IFT122: variants seen among roughly 807,000 people sequenced by gnomAD.
The protein encoded by IFT122 is intraflagellar transport 122.
IFT122 carries 118 observed loss-of-function variants against 161.6 expected under a neutral mutation model. The ratio of observed to expected loss-of-function variants is 0.73; its 90% confidence interval spans 0.63 to 0.85. The LOEUF is 0.85. IFT122 is among the 40% of genes least tolerant of loss of function. The probability of loss-of-function intolerance (pLI) is 0.00; values close to 1 mark genes in which losing one functional copy is unlikely to be tolerated. For missense variants in IFT122, 1,381 were observed against 1,579.6 expected, an observed-to-expected ratio of 0.87 and a Z score of 2.13; for synonymous variants, 550 against 602.4, an observed-to-expected ratio of 0.91 and a Z score of 1.27.
At chr3:129,505,392 C>G (rs1000989570) in intron 21 of IFT122, among the ~76,000 whole-genome samples, 20 of 152,316 alleles carry the variant, frequency 1.3e-4, no homozygotes, top group African/African-American at 4.6e-4. Flanking sequence ...CTGTTGGAGC[C>G]CCTCAACCGA....
intron 1 of IFT122, among the ~76,000 whole-genome samples, chr3:129,441,576 A>G (rs1577104237): frequency 6.6e-6 from 1 of 152,088 alleles, no homozygotes; most frequent in Non-Finnish European, 1.5e-5. Context: ...GGTCTTCCTC[A>G]CTCCAACGTC....
At position 129,502,951 on chromosome 3, in the gene IFT122, G is replaced by A. The variant is rs934712583; in HGVS notation, c.2547+69G>A. 14 of 1,457,624 alleles carry A rather than the reference G, an allele frequency of 9.6e-6. No homozygotes were observed. In the African/African-American group the frequency reaches 2.0e-4, roughly 20 times the overall value. The allele number at this position is 1,457,624 out of a possible 1,614,324, so 90.3% of individuals were successfully genotyped here. ...CCTGGGACACAGGCGGGTGGGTACA[G>A]GGGCCCTTTGGGGTTCAGATGGAGA... On this transcript the variant is annotated intron_variant, in intron 20 of 29. Coordinates refer to ENST00000348417, the MANE Select transcript of IFT122 (RefSeq NM_052989.3).
In IFT122 at chr3:129,512,383, C is replaced by CA; in HGVS notation, c.2960dup (p.Asp988GlyfsTer8). The CA allele has an allele frequency of 6.2e-7, 1 of 1,613,432 alleles. No individual in the cohort carries two copies. The highest frequency in any genetic ancestry group is 8.5e-7 in the Non-Finnish European group (1 of 1,179,334). On this transcript the variant is annotated frameshift_variant, in exon 24 of 30. Coordinates refer to ENST00000348417, the MANE Select transcript of IFT122 (RefSeq NM_052989.3). LOFTEE classifies it high-confidence loss of function. ...CCAGGTTCCTGCTGCACAGCCTGCC[C>CA]AAGGACACCCCCTCGGGCATCTCTA...
Position 129,469,327 on chromosome 3 carries a change from T to C in IFT122, c.741-15T>C. The stretch of plus-strand genomic sequence containing the variant: ...CTGTGGCCCTTCATAACCTCTTTTA[T>C]CTTCTGTTGATTAGAGAGGAACGTA... On this transcript the variant is annotated splice_polypyrimidine_tract_variant and intron_variant, in intron 8 of 29. Transcript: ENST00000348417. 6.2e-7 allele frequency: 1 copy of C among 1,611,306 alleles called. No homozygotes were observed. Among genetic ancestry groups the C allele is most frequent in the Non-Finnish European group, 8.5e-7 (1 of 1,177,434 alleles).
At chr3:129,464,813 A>T in intron 7 of IFT122, 32 bp downstream of exon 7, 1 of 1,613,040 alleles carries the variant, frequency 6.2e-7, no homozygotes, top group Non-Finnish European at 8.5e-7. Flanking sequence ...TTCTAGAACA[A>T]ACACCATCAT....
At chr3:129,464,273 C>A (rs2076480444) in intron 6 of IFT122, among the ~76,000 whole-genome samples, 1 of 152,144 alleles carries the variant, frequency 6.6e-6, no homozygotes, top group South Asian at 2.1e-4. Flanking sequence ...TGGAAGACAC[C>A]AAGTCTGTTC....
intron 26 of IFT122, among the ~76,000 whole-genome samples, chr3:129,516,601 CACAG>C (rs1176221316): frequency 2.1e-5 from 3 of 145,526 alleles, no homozygotes; most frequent in Admixed American, 6.8e-5. Flanking sequence ...CCTGCACACA[CACAG>C]AGACTGCCCC....
intron 9 of IFT122, among the ~76,000 whole-genome samples, chr3:129,474,237 G>A (rs1026367444): frequency 6.6e-6 from 1 of 152,312 alleles, no homozygotes; most frequent in East Asian, 1.9e-4. Context: ...AACAGTCAAA[G>A]TCAATTGGCT....
intron 14 of IFT122, among the ~76,000 whole-genome samples, chr3:129,482,678 G>A (rs1463548553): frequency 2.0e-5 from 3 of 152,192 alleles, no homozygotes; most frequent in African/African-American, 4.8e-5. Context: ...AGAGGGCATA[G>A]CCTTCAAGCT....
rs777108020 is a variant in IFT122, at chr3:129,517,268, GCACA to G, written c.3266-170_3266-167del. 2.9e-3 allele frequency among the ~76,000 whole-genome samples: 336 copies of G among 117,060 alleles called. 3 individuals are homozygous for G. Among genetic ancestry groups the G allele is most frequent in the South Asian group, 0.014 (45 of 3,118 alleles). 76.8% of individuals were successfully genotyped at this position (117,060 alleles called of 152,430 possible). On this transcript the variant is annotated intron_variant, in intron 26 of 29. Coordinates refer to ENST00000348417, the MANE Select transcript of IFT122 (RefSeq NM_052989.3). ...CCCTGCACACACACACATTGCTCCT[GCACA>G]CACACACACACACACACACACACAC... is the stretch of plus-strand genomic sequence containing the variant.
chr3:129,517,247 GCACA>G (rs1447118128), intron 26 of IFT122, among the ~76,000 whole-genome samples: 17 of 114,208 alleles, frequency 1.5e-4, no homozygotes, highest in Non-Finnish European at 2.7e-4. Context: ...AACTGCCCCT[GCACA>G]CACACACATT....
chr3:129,492,106 G>A, intron 16 of IFT122, 35 bp from the exon 17 acceptor site: 1 of 1,566,102 alleles, frequency 6.4e-7, no homozygotes, highest in South Asian at 1.1e-5. Context: ...AAGCCAAGAA[G>A]ACAGCTTATT....
intron 23 of IFT122, among the ~76,000 whole-genome samples, chr3:129,509,733 G>A (rs1454437061): frequency 6.6e-6 from 1 of 152,210 alleles, no homozygotes; most frequent in Non-Finnish European, 1.5e-5. Flanking sequence ...GTGAGTCTCA[G>A]TAGTCTGGCA....
rs1577367454 is a variant in IFT122 at position 129,461,298 on chromosome 3, G to GA, written c.344dup (p.Asp115GlufsTer8). 1 of 1,611,204 alleles carries GA rather than the reference G, an allele frequency of 6.2e-7. No individual in the cohort carries two copies. The highest frequency in any genetic ancestry group is 2.2e-5 in the East Asian group (1 of 44,872). ...TCAACTGGCATCTTGTTCCTCCAGT[G>GA]ACTTTGGTACGTTCTGATTCCTGAT... is the stretch of plus-strand genomic sequence containing the variant. On this transcript the variant is annotated frameshift_variant, in exon 5 of 30. Transcript: ENST00000348417. LOFTEE classifies it high-confidence loss of function.
At chr3:129,495,981 C>A (rs571700840) in intron 18 of IFT122, among the ~76,000 whole-genome samples, 80 of 152,338 alleles carry the variant, frequency 5.3e-4, no homozygotes, top group Admixed American at 1.8e-3. Context: ...TGTCTTCAGG[C>A]AGGAGCCGGT....
In IFT122 at chr3:129,514,503, C is replaced by T; in HGVS notation, c.3102C>T (p.Ser1034=). Residue 1034 remains serine (S), a synonymous_variant, in exon 25 of 30, where the codon TCC becomes TCT. Coordinates refer to ENST00000348417, the MANE Select transcript of IFT122 (RefSeq NM_052989.3). Reference sequence around the variant, plus strand: ...ACATCCCTGCCAGATTCCAAAAGTCCATTGAGCTGGGTACCCTGACCATCC... The same window carrying T: ...ACATCCCTGCCAGATTCCAAAAGTCTATTGAGCTGGGTACCCTGACCATCC... ...GLYIPARFQK[S]IELGTLTIRA... is the part of the protein sequence containing the mutation. The T allele has an allele frequency of 6.2e-7, 1 of 1,614,244 alleles. No homozygotes were observed. Among genetic ancestry groups the T allele is most frequent in the Non-Finnish European group, 8.5e-7 (1 of 1,180,044 alleles).
At chr3:129,440,835 A>G (rs3138331) in intron 1 of IFT122, among the ~76,000 whole-genome samples, 20,253 of 152,274 alleles carry the variant, frequency 0.13, 1,729 homozygotes, top group South Asian at 0.24. Context: ...CTTGCTCTAA[A>G]TGTTAAGATA....
intron 3 of IFT122, among the ~76,000 whole-genome samples, chr3:129,453,468 T>C (rs1007097205): frequency 1.3e-5 from 2 of 151,972 alleles, no homozygotes; most frequent in Non-Finnish European, 1.5e-5. Context: ...CTCTTGAAGA[T>C]TGTGATCATG....
chr3:129,491,176 C>A (rs2080036558), intron 16 of IFT122, among the ~76,000 whole-genome samples: 2 of 152,186 alleles, frequency 1.3e-5, no homozygotes, highest in South Asian at 4.1e-4. Context: ...ACCTGCAAGG[C>A]AGGCCGGGGA....
Sources: gnomAD v4.1 joint callset for allele counts (sites outside exome capture counted in the v4.1 genomes callset) on GRCh38, gnomAD v4.1.1 for gene constraint, MANE v1.5 for transcripts, NCBI Gene and HGNC (gene_info 2026-07-23, HGNC 2026-07-21) for gene names.